The following EGFLAM variants were observed in gnomAD, a reference collection of about 807,000 sequenced individuals.
EGFLAM encodes the protein pikachurin.
EGFLAM carries 79 observed loss-of-function variants against 113.1 expected under a neutral mutation model. The ratio of observed to expected loss-of-function variants is 0.70; its 90% CI spans 0.58 to 0.84. The LOEUF (loss-of-function observed/expected upper bound fraction) is 0.84. EGFLAM is among the 40% of genes least tolerant of loss of function. EGFLAM has a pLI of 0.00. For missense variants in EGFLAM, 1,265 were observed against 1,291.6 expected (o/e 0.98, Z 0.32); for synonymous variants, 504 against 487.6 (o/e 1.03, Z -0.44).
chr5:38,384,143 C>A (rs1280846091), intron 6 of EGFLAM, among the ~76,000 whole-genome samples: 1 of 151,768 alleles, frequency 6.6e-6, no homozygotes, highest in African/African-American at 2.4e-5. Context: ...AATAAGGAGG[C>A]AATTTTATAT....
At chr5:38,273,878 G>A (rs543072532) in intron 1 of EGFLAM, among the ~76,000 whole-genome samples, 1 of 152,314 alleles carries the variant, frequency 6.6e-6, no homozygotes, top group East Asian at 1.9e-4. Context: ...GACTAGCCCT[G>A]AAGAGATGGA....
intron 6 of EGFLAM, among the ~76,000 whole-genome samples, chr5:38,395,540 T>C (rs569041410): frequency 6.6e-6 from 1 of 152,308 alleles, no homozygotes; most frequent in Non-Finnish European, 1.5e-5. Flanking sequence ...AGGGTCTAAG[T>C]GTCTCTGGTT....
At chr5:38,454,043 G>A (rs1267243958) in intron 19 of EGFLAM, among the ~76,000 whole-genome samples, 1 of 152,184 alleles carries the variant, frequency 6.6e-6, no homozygotes, top group Non-Finnish European at 1.5e-5. Context: ...ATCTGTGTAA[G>A]ACACACTGCT....
intron 11 of EGFLAM, among the ~76,000 whole-genome samples, chr5:38,417,008 C>T (rs1320755012): frequency 6.6e-6 from 1 of 152,136 alleles, no homozygotes; most frequent in African/African-American, 2.4e-5. Context: ...CTTTCCCTGA[C>T]ACCCTTCCTT....
intron 6 of EGFLAM, among the ~76,000 whole-genome samples, chr5:38,372,345 G>A (rs567205046): frequency 3.9e-5 from 6 of 152,196 alleles, no homozygotes; most frequent in South Asian, 2.1e-4. Flanking sequence ...GTTTCACCAC[G>A]TTGGCCAGGC....
intron 1 of EGFLAM, among the ~76,000 whole-genome samples, chr5:38,322,175 C>T (rs1301933490): frequency 4.6e-5 from 7 of 152,192 alleles, no homozygotes; most frequent in East Asian, 1.9e-4. Context: ...GTCCACTGCC[C>T]GTCCTGGAGC....
chr5:38,403,866 G>T (rs765629205), intron 6 of EGFLAM: 1 of 1,613,930 alleles, frequency 6.2e-7, no homozygotes, highest in Non-Finnish European at 8.5e-7. Context: ...GCTGCATGCA[G>T]GTGGCTTGAG....
chr5:38,380,048 T>C (rs1740470031), intron 6 of EGFLAM, among the ~76,000 whole-genome samples: 4 of 152,220 alleles, frequency 2.6e-5, no homozygotes, highest in African/African-American at 9.6e-5. Flanking sequence ...TGTATTCCAA[T>C]AAAACTATTT....
chr5:38,263,488 A>G lies in EGFLAM; in HGVS notation c.97+4637A>G, dbSNP rs562715915. On this transcript the variant is annotated intron_variant, in intron 1 of 21. Transcript: ENST00000322350. ...AAAAAAAGAAACAAAAAACATTGGG[A>G]TGTTTATTTTCTTATGATTGAATTT... Among the ~76,000 whole-genome samples, 4 of 152,146 alleles carry G rather than the reference A, an allele frequency of 2.6e-5. No individual in the cohort carries two copies. The East Asian group carries it at 7.7e-4, about 29-fold the overall frequency.
At chr5:38,458,160 C>T in intron 19 of EGFLAM, 151 bp from the exon 20 acceptor site, 1 of 602,998 alleles carries the variant, frequency 1.7e-6, no homozygotes, top group East Asian at 3.0e-5. Flanking sequence ...CCTAGAAACC[C>T]AACAACTTTT....
chr5:38,358,969 A>T (rs992523943), intron 5 of EGFLAM, among the ~76,000 whole-genome samples: 6 of 152,212 alleles, frequency 3.9e-5, no homozygotes, highest in African/African-American at 1.4e-4. Context: ...AGTGACACTA[A>T]AAATTTCTTT....
intron 17 of EGFLAM, among the ~76,000 whole-genome samples, chr5:38,439,597 A>G (rs532231149): frequency 3.1e-4 from 47 of 152,324 alleles, no homozygotes; most frequent in African/African-American, 1.1e-3. Flanking sequence ...AAAGATGCCA[A>G]TTTGCCAGTT....
At chr5:38,331,914 G>GT (rs1739052957) in intron 1 of EGFLAM, among the ~76,000 whole-genome samples, 2 of 152,164 alleles carry the variant, frequency 1.3e-5, no homozygotes, top group African/African-American at 4.8e-5. Context: ...TTGTGTGGAC[G>GT]TAAGTTTTTG....
chr5:38,263,442 A>T (rs1475006193), intron 1 of EGFLAM, among the ~76,000 whole-genome samples: 1 of 152,222 alleles, frequency 6.6e-6, no homozygotes, highest in East Asian at 1.9e-4. Context: ...ACCCTGGGTG[A>T]CAGAGGAAGA....
At chr5:38,346,936 T>A (rs1422726578) in intron 3 of EGFLAM, among the ~76,000 whole-genome samples, 1 of 150,834 alleles carries the variant, frequency 6.6e-6, no homozygotes, top group East Asian at 2.0e-4. Flanking sequence ...CAAAGGCCCC[T>A]TGTGAAGCCA....
intron 13 of EGFLAM, among the ~76,000 whole-genome samples, chr5:38,425,989 G>T (rs1270268195): frequency 6.6e-6 from 1 of 152,010 alleles, no homozygotes; most frequent in Non-Finnish European, 1.5e-5. Context: ...TGTAATCCCA[G>T]CTACTCGGGA....
At chr5:38,341,679 C>T (rs1739341726) in intron 3 of EGFLAM, among the ~76,000 whole-genome samples, 1 of 152,162 alleles carries the variant, frequency 6.6e-6, no homozygotes, top group African/African-American at 2.4e-5. Context: ...TTTAGGAACT[C>T]TACTATATCA....
At chr5:38,461,768 G>A (rs1743281556) in intron 20 of EGFLAM, among the ~76,000 whole-genome samples, 1 of 152,132 alleles carries the variant, frequency 6.6e-6, no homozygotes, top group Non-Finnish European at 1.5e-5. Context: ...GGCTGGATAG[G>A]TTTGAAAAAT....
chr5:38,388,917 G>GAAAA (rs770527595), intron 6 of EGFLAM, among the ~76,000 whole-genome samples: 2 of 61,052 alleles, frequency 3.3e-5, no homozygotes, highest in African/African-American at 5.5e-5. Context: ...CCTGTCTCAA[G>GAAAA]AAAAAAAAAA....
Sources: allele counts gnomAD v4.1 joint callset (sites outside exome capture counted in the v4.1 genomes callset), GRCh38; gene constraint gnomAD v4.1.1; transcripts MANE v1.5; gene names NCBI Gene and HGNC (gene_info 2026-07-23, HGNC 2026-07-21).